Variants in LINGO2 observed in about 807,000 individuals in gnomAD.
The protein encoded by LINGO2 is leucine-rich repeat and immunoglobulin-like domain-containing nogo receptor-interacting protein 2.
In LINGO2, 14 loss-of-function variants were observed where a neutral mutation model predicts 30.6. The observed-to-expected ratio is 0.46, with a 90% CI of 0.30 to 0.72. The LOEUF is 0.72. Ranked by LOEUF, LINGO2 falls within the 30% of genes least tolerant of loss-of-function variation. The pLI is 0.07. For synonymous variants in LINGO2, 317 were observed against 288.5 expected (o/e 1.10, Z -1.00); for missense variants, 729 against 751.7 (o/e 0.97, Z 0.35).
At chr9:28,802,023 TAAC>T in the LINGO2 span, among the ~76,000 whole-genome samples, 1 of 151,836 alleles carries the variant, frequency 6.6e-6, no homozygotes, top group South Asian at 2.1e-4. Context: ...ATTTATATTA[TAAC>T]AAAAGTTATG....
At chr9:28,382,312 T>C (rs577364049) in intron 2 of LINGO2, among the ~76,000 whole-genome samples, 1 of 152,258 alleles carries the variant, frequency 6.6e-6, no homozygotes, top group East Asian at 1.9e-4. Flanking sequence ...TGTCTAGAAT[T>C]CAGATAAAGA....
At chr9:29,044,642 G>C in the LINGO2 span, among the ~76,000 whole-genome samples, 2 of 151,964 alleles carry the variant, frequency 1.3e-5, no homozygotes, top group African/African-American at 2.4e-5. Context: ...AATGAGGTTA[G>C]TCTTTACTTT....
At chr9:28,228,229 A>T (rs1256559604) in intron 4 of LINGO2, among the ~76,000 whole-genome samples, 1 of 152,014 alleles carries the variant, frequency 6.6e-6, no homozygotes, top group Non-Finnish European at 1.5e-5. Flanking sequence ...TAGGCACCAA[A>T]TCACTGCAGG....
At position 28,168,373 on chromosome 9, in the gene LINGO2, A is replaced by T. The variant is rs117266118; in HGVS notation, c.-87+126835T>A. Among the ~76,000 whole-genome samples, 1,170 of 152,296 alleles carry T rather than the reference A, an allele frequency of 7.7e-3. 13 individuals are homozygous for T. The highest frequency in any genetic ancestry group is 0.014 in the Non-Finnish European group (955 of 68,030). ...TCTGCACATCTGGGGTAGTGTGAAA[A>T]TAGCAACAGGAAGGCTTCTTCAGGA... On this transcript the variant is annotated intron_variant, in intron 4 of 5. Coordinates refer to ENST00000379992, the Ensembl canonical transcript of LINGO2.
intron 2 of LINGO2, among the ~76,000 whole-genome samples, chr9:28,433,156 T>A (rs1823750950): frequency 6.6e-6 from 1 of 152,126 alleles, no homozygotes; most frequent in Non-Finnish European, 1.5e-5. Flanking sequence ...GTAGATGGTT[T>A]CATGGGAAGG....
intron 2 of LINGO2, among the ~76,000 whole-genome samples, chr9:28,398,532 T>C (rs1009084694): frequency 6.6e-6 from 1 of 152,096 alleles, no homozygotes; most frequent in Non-Finnish European, 1.5e-5. Flanking sequence ...GGGATTAAAA[T>C]CCATTCAGAA....
At chr9:28,045,931 C>A (rs1478249822) in intron 4 of LINGO2, among the ~76,000 whole-genome samples, 1 of 152,130 alleles carries the variant, frequency 6.6e-6, no homozygotes, top group African/African-American at 2.4e-5. Flanking sequence ...TGATGAAAAG[C>A]AAAGAGTTAA....
chr9:29,003,551 C>A, the LINGO2 span, among the ~76,000 whole-genome samples: 9,778 of 151,982 alleles, frequency 0.064, 396 homozygotes, highest in South Asian at 0.18. Context: ...TAACTGTGAA[C>A]AAAGAAGCTG....
the LINGO2 span, among the ~76,000 whole-genome samples, chr9:28,742,543 G>A: frequency 6.6e-6 from 1 of 151,372 alleles, no homozygotes; most frequent in Non-Finnish European, 1.5e-5. Context: ...TGAGTTCCCT[G>A]AAATGGAGAA....
intron 4 of LINGO2, among the ~76,000 whole-genome samples, chr9:28,041,332 A>G (rs1201479786): frequency 6.6e-6 from 1 of 152,218 alleles, no homozygotes; most frequent in African/African-American, 2.4e-5. Flanking sequence ...TGCAGTAGAT[A>G]GACTGGCTGT....
chr9:28,617,020 A>G (rs909087482), intron 1 of LINGO2, among the ~76,000 whole-genome samples: 19 of 152,060 alleles, frequency 1.2e-4, no homozygotes, highest in African/African-American at 4.6e-4. Context: ...TCTTTATTTT[A>G]TGGCAACAAA....
chr9:28,220,313 T>C (rs1488626395), intron 4 of LINGO2, among the ~76,000 whole-genome samples: 2 of 152,124 alleles, frequency 1.3e-5, no homozygotes, highest in African/African-American at 4.8e-5. Context: ...CAACCATAAG[T>C]CCTTTAAAAA....
At chr9:28,630,353 T>C (rs891077714) in intron 1 of LINGO2, among the ~76,000 whole-genome samples, 2 of 152,144 alleles carry the variant, frequency 1.3e-5, no homozygotes, top group Non-Finnish European at 2.9e-5. Context: ...TCTTTTTTTC[T>C]ATTATTAATA....
chr9:29,166,554 C>G, the LINGO2 span, among the ~76,000 whole-genome samples: 1 of 152,078 alleles, frequency 6.6e-6, no homozygotes, highest in Non-Finnish European at 1.5e-5. Context: ...AGATAACTAT[C>G]CAAGGCACAG....
At chr9:28,909,164 T>C in the LINGO2 span, among the ~76,000 whole-genome samples, 1 of 151,980 alleles carries the variant, frequency 6.6e-6, no homozygotes, top group African/African-American at 2.4e-5. Flanking sequence ...CTCTTCTGTC[T>C]GATAGATGTG....
intron 1 of LINGO2, among the ~76,000 whole-genome samples, chr9:28,588,393 TA>T (rs1269945941): frequency 1.3e-5 from 2 of 152,000 alleles, no homozygotes. Flanking sequence ...GCAGACTTGT[TA>T]TCCAGTAGGA....
rs151158259 is a variant in LINGO2 at position 28,440,069 on chromosome 9, C to T, written c.-279+35871G>A. On this transcript the variant is annotated intron_variant, in intron 2 of 5. Transcript: ENST00000379992. ...CAGAGCCCATCCTGACTGATACAAT[C>T]CTTAAGGGAATAACTTAATACCTTG... Among the ~76,000 whole-genome samples the T allele has an allele frequency of 3.4e-3, 518 of 152,254 alleles. 3 individuals carry two copies. Among genetic ancestry groups the T allele is most frequent in the African/African-American group, 0.012 (481 of 41,546 alleles).
intron 3 of LINGO2, among the ~76,000 whole-genome samples, chr9:28,355,694 G>A (rs1051752677): frequency 2.6e-5 from 4 of 152,076 alleles, no homozygotes; most frequent in African/African-American, 7.2e-5. Context: ...CTCCAGGAGG[G>A]TTCACAGTGA....
At chr9:28,555,645 T>G (rs1029357128) in intron 1 of LINGO2, among the ~76,000 whole-genome samples, 1 of 152,068 alleles carries the variant, frequency 6.6e-6, no homozygotes, top group Non-Finnish European at 1.5e-5. Context: ...TAACTCATTT[T>G]ATGAGGCCAG....
Sources: gnomAD v4.1 joint callset for allele counts (sites outside exome capture counted in the v4.1 genomes callset) on GRCh38, gnomAD v4.1.1 for gene constraint, MANE v1.5 for transcripts, NCBI Gene and HGNC (gene_info 2026-07-23, HGNC 2026-07-21) for gene names.